The following EIF4E3 variants were observed in gnomAD, a reference collection of about 807,000 sequenced individuals.
EIF4E3 encodes the protein eukaryotic translation initiation factor 4E type 3.
EIF4E3 carries 26 observed loss-of-function variants against 31.7 expected under a neutral mutation model. The observed-to-expected ratio is 0.82, with a 90% CI of 0.60 to 1.14. EIF4E3 has a LOEUF of 1.14. Among genes scored for constraint, EIF4E3 ranks in the 50% most tolerant of loss-of-function variants. EIF4E3 has a pLI of 0.00. For missense variants in EIF4E3, 304 were observed against 270.9 expected, an observed-to-expected ratio of 1.12 and a Z score of -0.86; for synonymous variants, 128 against 107.7, an observed-to-expected ratio of 1.19 and a Z score of -1.17.
At chr3:71,728,552 C>A (rs535618817), upstream of EIF4E3, 1 of 152,742 alleles carries the variant, frequency 6.5e-6, no homozygotes, top group African/African-American at 2.4e-5. Flanking sequence ...AACGTGCTGT[C>A]CCACTGCATG....
chr3:71,680,635 T>C lies in EIF4E3; in HGVS notation c.*4047A>G, dbSNP rs1361768491. On this transcript the variant is annotated 3_prime_UTR_variant, in exon 7 of 7. Coordinates refer to ENST00000425534, the MANE Select transcript of EIF4E3 (RefSeq NM_001134651.2). ...TAATCTGACATGAAAGGAATCTATT[T>C]GGGATTTCTTCTTGGGAGAAGTAGA... 6.6e-6 allele frequency: 1 copy of C among 152,206 alleles called. No homozygotes were observed. The allele number at this position is 152,206 out of a possible 1,614,324, so 9.4% of individuals were successfully genotyped here. A position where few individuals can be genotyped will look rare whatever the true frequency, so the allele number is the denominator to read the frequency against.
chr3:71,727,480 C>G (rs1280753148), upstream of EIF4E3, among the ~76,000 whole-genome samples: 1 of 152,192 alleles, frequency 6.6e-6, no homozygotes, highest in Non-Finnish European at 1.5e-5. Flanking sequence ...ATTTAATTCA[C>G]TAGCCTCCAA....
intron 5 of EIF4E3, among the ~76,000 whole-genome samples, chr3:71,692,294 T>A (rs115827284): frequency 6.6e-6 from 1 of 152,310 alleles, no homozygotes; most frequent in African/African-American, 2.4e-5. Flanking sequence ...TTGCTTAAAG[T>A]GTCATAGCTA....
chr3:71,725,441 CCGCCCCGCCCCGCCCCGCG>C (rs1195077476), upstream of EIF4E3: 70 of 833,666 alleles, frequency 8.4e-5, no homozygotes, highest in East Asian at 5.0e-4. This position sits in a 1 kb window ranked among gnomAD's most constrained non-coding sequence, Gnocchi z 6.1. Flanking sequence ...CCCCCGGCCC[CCGCCCCGCCCCGCCCCGCG>C]CGCCCCGCCC....
At chr3:71,671,958 CAGG>C (rs775687261), downstream of EIF4E3, among the ~76,000 whole-genome samples, 1 of 152,160 alleles carries the variant, frequency 6.6e-6, no homozygotes, top group Admixed American at 6.5e-5. Context: ...CTCCGCAGAA[CAGG>C]AGGATGACAA....
In EIF4E3 at chr3:71,703,252, C is replaced by T. The variant is rs562125995; in HGVS notation, c.250-3544G>A. On this transcript the variant is annotated intron_variant, in intron 2 of 6. Transcript: ENST00000425534. ...GGAACTTAGCTGAATGCAGGAGGGT[C>T]AGCTTTTGACCACAGCAATCCACTC... is the stretch of plus-strand genomic sequence containing the variant. 2.6e-5 allele frequency among the ~76,000 whole-genome samples: 4 copies of T among 152,286 alleles called. No homozygotes were observed. The East Asian group carries it at 7.7e-4, about 29-fold the overall frequency.
intron 6 of EIF4E3, among the ~76,000 whole-genome samples, chr3:71,688,279 T>C (rs576878222): frequency 5.3e-5 from 8 of 152,360 alleles, no homozygotes; most frequent in African/African-American, 1.9e-4. Context: ...TATCTGATTA[T>C]TGCCATGGCC....
the EIF4E3 span, among the ~76,000 whole-genome samples, chr3:71,661,147 A>G: frequency 6.7e-6 from 1 of 149,298 alleles, no homozygotes; most frequent in Non-Finnish European, 1.5e-5. Flanking sequence ...GTTCTTCTAG[A>G]TGGCATTTTT....
chr3:71,731,163 A>G (rs992968960), intron 1 of EIF4E3, among the ~76,000 whole-genome samples: 1 of 152,146 alleles, frequency 6.6e-6, no homozygotes, highest in Non-Finnish European at 1.5e-5. Context: ...ATCTCCTGCC[A>G]GACAGCAGCC....
At chr3:71,752,384 G>A (rs35281203) in intron 1 of EIF4E3, among the ~76,000 whole-genome samples, 19,731 of 152,002 alleles carry the variant, frequency 0.13, 1,573 homozygotes, top group South Asian at 0.35. Flanking sequence ...TAGTCATGTC[G>A]CTCCCCTTCT....
chr3:71,663,901 A>T, the EIF4E3 span, among the ~76,000 whole-genome samples: 2 of 152,324 alleles, frequency 1.3e-5, no homozygotes, highest in South Asian at 4.1e-4. Context: ...GCTGCAAGCG[A>T]CAAAGGAGGG....
chr3:71,707,707 C>T (rs933069049), intron 2 of EIF4E3, among the ~76,000 whole-genome samples: 2 of 151,990 alleles, frequency 1.3e-5, no homozygotes, highest in African/African-American at 4.8e-5. Context: ...ACTGCATGGA[C>T]ATCTATGCTT....
chr3:71,738,801 C>T (rs2108147312), intron 1 of EIF4E3, among the ~76,000 whole-genome samples: 1 of 151,838 alleles, frequency 6.6e-6, no homozygotes, highest in South Asian at 2.1e-4. Flanking sequence ...AATCAGACAG[C>T]AGGATCTATT....
upstream of EIF4E3, among the ~76,000 whole-genome samples, chr3:71,729,608 G>T (rs2049680469): frequency 6.6e-6 from 1 of 152,216 alleles, no homozygotes; most frequent in Admixed American, 6.5e-5. Context: ...AGGATTAAAT[G>T]AGAAAATGTA....
chr3:71,693,931 C>T lies in EIF4E3; in HGVS notation c.416G>A (p.Trp139Ter), dbSNP rs773137821. 3.8e-6 allele frequency: 6 copies of T among 1,582,694 alleles called. No homozygotes were observed. The highest frequency in any genetic ancestry group is 1.7e-6 in the Non-Finnish European group (2 of 1,164,086). ...KVPKDSTSTV[W>*]KELLLATIGE... is the part of the protein sequence containing the mutation. ...GATGGTTGCTAACAGCAACTCTTTC[C>T]AAACTGTGGACTGATATGGGAAAAG... is the stretch of plus-strand genomic sequence containing the variant. The change falls in exon 5 of 7, where the codon TGG (tryptophan) becomes TAG (stop). Residue 139 changes from tryptophan to a stop codon, truncating the protein, a stop_gained. Coordinates refer to ENST00000425534, the MANE Select transcript of EIF4E3 (RefSeq NM_001134651.2). LOFTEE classifies it high-confidence loss of function.
At chr3:71,732,045 A>G (rs1374597996) in intron 1 of EIF4E3, among the ~76,000 whole-genome samples, 1 of 152,188 alleles carries the variant, frequency 6.6e-6, no homozygotes, top group Non-Finnish European at 1.5e-5. Flanking sequence ...CTCTGCCACA[A>G]CATGAGCTCC....
chr3:71,725,803 G>C (rs1194032628), upstream of EIF4E3, among the ~76,000 whole-genome samples: 2 of 152,110 alleles, frequency 1.3e-5, no homozygotes, highest in Non-Finnish European at 2.9e-5. This position sits in a 1 kb window ranked among gnomAD's most constrained non-coding sequence, Gnocchi z 6.1. Context: ...TGGGACAGGG[G>C]ATGGAGCCCC....
intron 1 of EIF4E3, among the ~76,000 whole-genome samples, chr3:71,745,036 A>G (rs1479844913): frequency 5.3e-5 from 8 of 152,214 alleles, no homozygotes; most frequent in African/African-American, 1.9e-4. Context: ...TGTTTGACAT[A>G]TGGAAATCAG....
chr3:71,705,400 T>C (rs1483280557), intron 2 of EIF4E3, among the ~76,000 whole-genome samples: 1 of 152,216 alleles, frequency 6.6e-6, no homozygotes, highest in African/African-American at 2.4e-5. Context: ...GTTTGGCATA[T>C]GCAGGGGAAA....
Sources: gnomAD v4.1 joint callset for allele counts (sites outside exome capture counted in the v4.1 genomes callset) on GRCh38, gnomAD v4.1.1 for gene constraint, Gnocchi (gnomAD v3.1) non-coding constraint, MANE v1.5 for transcripts, NCBI Gene and HGNC (gene_info 2026-07-23, HGNC 2026-07-21) for gene names.